The following URB1 variants were observed in gnomAD, a reference collection of about 807,000 sequenced individuals.
URB1 encodes nucleolar pre-ribosomal-associated protein 1.
In URB1, 197 loss-of-function variants were observed where a neutral mutation model predicts 242.3. That is an observed-to-expected ratio of 0.81 (90% CI 0.72 to 0.91). The LOEUF is 0.91. Ranked by LOEUF, URB1 falls within the 40% of genes least tolerant of loss-of-function variation. The pLI, the probability that URB1 is intolerant of heterozygous loss-of-function variation, is 0.00. For missense variants in URB1, 2,721 were observed against 2,860.5 expected (o/e 0.95, Z 1.11); for synonymous variants, 1,153 against 1,201.8 (o/e 0.96, Z 0.84).
intron 18 of URB1, 93 bp downstream of exon 18, chr21:32,353,840 C>T (rs1211806490): frequency 7.8e-6 from 11 of 1,414,770 alleles, no homozygotes; most frequent in Non-Finnish European, 1.0e-5. Flanking sequence ...GGATTCTCAG[C>T]AATTGATCCC....
At chr21:32,391,680 T>C (rs961411851) in intron 1 of URB1, among the ~76,000 whole-genome samples, 1 of 152,136 alleles carries the variant, frequency 6.6e-6, no homozygotes, top group Non-Finnish European at 1.5e-5. Flanking sequence ...AAGTATCATC[T>C]TCCTAGCTGT....
At position 32,353,925 on chromosome 21, in the gene URB1, A is replaced by G. The variant is rs1463204956; in HGVS notation, c.2416+8T>C. The G allele has an allele frequency of 3.0e-5, 47 of 1,551,436 alleles. No homozygotes were observed. The highest frequency in any genetic ancestry group is 3.9e-5 in the Non-Finnish European group (45 of 1,146,916). ...TGCAGCCAAGACATCCTGACTATACATAGGTACCTGCTTCATTGCCTGTCC... is the reference window on the plus strand; with the variant it reads ...TGCAGCCAAGACATCCTGACTATACGTAGGTACCTGCTTCATTGCCTGTCC... On this transcript the variant is annotated splice_region_variant and intron_variant, in intron 18 of 38. Coordinates refer to ENST00000382751, the MANE Select transcript of URB1 (RefSeq NM_014825.3).
chr21:32,355,596 C>T lies in URB1; in HGVS notation c.1990-31G>A, dbSNP rs866354766. 26 of 1,510,092 alleles carry T rather than the reference C, an allele frequency of 1.7e-5. No homozygotes were observed. The Middle Eastern group carries it at 2.0e-3, about 118-fold the overall frequency. The allele number at this position is 1,510,092 out of a possible 1,614,324, so 93.5% of individuals were successfully genotyped here. ...AGGAAGTAGGCACCGGTGAAAAAGT[C>T]AGAACAGAACGCGCTTTCTTTCTTT... On this transcript the variant is annotated intron_variant, in intron 15 of 38. Transcript: ENST00000382751.
chr21:32,345,349 C>T (rs1336517137), intron 23 of URB1, 25 bp downstream of exon 23: 1 of 1,546,668 alleles, frequency 6.5e-7, no homozygotes, highest in South Asian at 1.2e-5. Context: ...GTGGAACATC[C>T]TGCAACCAAC....
chr21:32,372,796 C>T (rs2033420727), intron 7 of URB1, among the ~76,000 whole-genome samples, 165 bp from the exon 8 acceptor site: 1 of 152,168 alleles, frequency 6.6e-6, no homozygotes, highest in South Asian at 2.1e-4. Context: ...CAAAAAGATA[C>T]ACCGATCAAG....
chr21:32,338,904 G>A lies in URB1; in HGVS notation c.4317-4C>T. 2 of 1,528,804 alleles carry A rather than the reference G, an allele frequency of 1.3e-6. No homozygotes were observed. The highest frequency in any genetic ancestry group is 2.5e-5 in the East Asian group (1 of 40,328). The allele number at this position is 1,528,804 out of a possible 1,614,324, so 94.7% of individuals were successfully genotyped here. A position where few individuals can be genotyped will look rare whatever the true frequency, so the allele number is the denominator to read the frequency against. ...TGTGTGGTCCTGGTACCGAAATCTA[G>A]GCGGCGAGAGTCAAAGGGAAAAGAG... On this transcript the variant is annotated splice_polypyrimidine_tract_variant and splice_region_variant and intron_variant, in intron 25 of 38. Coordinates refer to ENST00000382751, the MANE Select transcript of URB1 (RefSeq NM_014825.3).
rs546364393 is a variant in URB1 at position 32,317,809 on chromosome 21, G to A, written c.5901C>T (p.Thr1967=). The A allele has an allele frequency of 2.2e-5, 34 of 1,551,936 alleles. No homozygotes were observed. The Admixed American group carries it at 3.9e-4, about 18-fold the overall frequency. The part of the protein sequence containing the change: ...IQAFRDMNRF[T]VNETVLSTKD... ...TGGTGGAAAGCACTGTCTCATTTAC[G>A]GTGAATCTGTTCATGTCCCTAAAGG... The change falls in exon 37 of 39, where the codon ACC becomes ACT. Residue 1967 remains threonine (T), a synonymous_variant. Transcript: ENST00000382751.
At chr21:32,342,555 C>A (rs1250374512) in intron 24 of URB1, among the ~76,000 whole-genome samples, 2 of 151,996 alleles carry the variant, frequency 1.3e-5, no homozygotes, top group Non-Finnish European at 2.9e-5. Context: ...AGGCGCAATC[C>A]CACTACTGAT....
In URB1 at chr21:32,321,914, C is replaced by T. The variant is rs3761342; in HGVS notation, c.5371G>A (p.Val1791Ile). ...TTGTCACGGATCCCCTGCCGCAGAA[C>T]GCCAAACACCCACTTCTGCTCTGTT... is the stretch of plus-strand genomic sequence containing the variant. Reference protein sequence around the residue: ...QKTEQKWVFGVLRQGIRDKQC... With the variant: ...QKTEQKWVFGILRQGIRDKQC... The change falls in exon 34 of 39, where the codon GTT becomes ATT. Residue 1791 changes from valine to isoleucine, a missense_variant. Coordinates refer to ENST00000382751, the MANE Select transcript of URB1 (RefSeq NM_014825.3). The T allele has an allele frequency of 1.9e-6, 3 of 1,551,526 alleles. No homozygotes were observed. The highest frequency in any genetic ancestry group is 8.7e-7 in the Non-Finnish European group (1 of 1,147,014).
intron 4 of URB1, among the ~76,000 whole-genome samples, chr21:32,381,442 T>A (rs1228248386): frequency 7.6e-5 from 9 of 117,734 alleles, no homozygotes; most frequent in South Asian, 2.6e-4. Context: ...AAAAAAAAAA[T>A]CCCTGCCAGC....
intron 31 of URB1, 85 bp from the exon 32 acceptor site, chr21:32,324,687 C>T: frequency 9.7e-7 from 1 of 1,035,226 alleles, no homozygotes; most frequent in Non-Finnish European, 1.5e-6. Flanking sequence ...CGAACCAGGG[C>T]TCGGCAGGGT....
chr21:32,363,080 C>A, intron 11 of URB1, 76 bp downstream of exon 11: 1 of 1,480,932 alleles, frequency 6.8e-7, no homozygotes, highest in Admixed American at 2.3e-5. Context: ...ACTTGGCTTC[C>A]ACCCTAGGGC....
intron 10 of URB1, among the ~76,000 whole-genome samples, chr21:32,363,824 T>G (rs2033315908): frequency 6.6e-6 from 1 of 151,986 alleles, no homozygotes; most frequent in African/African-American, 2.4e-5. Context: ...GCTTCTGGCT[T>G]TCTTTTTTTT....
rs1321803697 is a variant in URB1 at position 32,321,830 on chromosome 21, GGAA to G, written c.5452_5454del (p.Phe1818del). On this transcript the variant is annotated inframe_deletion, in exon 34 of 39. Coordinates refer to ENST00000382751, the MANE Select transcript of URB1 (RefSeq NM_014825.3). ...GCTGCCTCGTCACACAGCGGGCTGT[GGAA>G]GAAGGACAGGATGATGTGGAAGATG... 1.2e-5 allele frequency: 18 copies of G among 1,551,602 alleles called. No individual in the cohort carries two copies. Among genetic ancestry groups the G allele is most frequent in the Admixed American group, 5.9e-5 (3 of 50,976 alleles).
intron 5 of URB1, 82 bp downstream of exon 5, chr21:32,378,363 T>G: frequency 7.5e-7 from 1 of 1,332,194 alleles, no homozygotes; most frequent in Middle Eastern, 1.8e-4. Context: ...GCTGCAGACT[T>G]TTTTTGAACT....
At position 32,345,413 on chromosome 21, in the gene URB1, C is replaced by A; in HGVS notation, c.4031G>T (p.Arg1344Leu). ...RAKDLSVLMD[R>L]LPSLLHTPSS... ...TGGGGTGTGAAGCAAGCTGGGCAGG[C>A]GGTCCATGAGTACACTGAGATCCTT... The change falls in exon 23 of 39, where the codon CGC becomes CTC. Residue 1344 changes from arginine to leucine, a missense_variant. Arg to Leu is a moderately radical substitution (Grantham distance 102). Transcript: ENST00000382751. The A allele has an allele frequency of 6.4e-7, 1 of 1,551,446 alleles. No individual in the cohort carries two copies. Among genetic ancestry groups the A allele is most frequent in the Non-Finnish European group, 8.7e-7 (1 of 1,146,938 alleles).
chr21:32,365,811 C>G (rs1057180761), intron 10 of URB1, among the ~76,000 whole-genome samples: 1 of 152,228 alleles, frequency 6.6e-6, no homozygotes, highest in Non-Finnish European at 1.5e-5. Flanking sequence ...ACAGGGCCAA[C>G]TGAGGCCTGT....
chr21:32,382,363 G>A (rs1255720433), intron 4 of URB1, among the ~76,000 whole-genome samples: 1 of 152,154 alleles, frequency 6.6e-6, no homozygotes, highest in Non-Finnish European at 1.5e-5. Context: ...CATGGATAAA[G>A]CATAGTATCT....
chr21:32,341,580 A>G (rs2123571648), intron 24 of URB1, 56 bp from the exon 25 acceptor site: 1 of 1,492,202 alleles, frequency 6.7e-7, no homozygotes, highest in Non-Finnish European at 9.1e-7. Flanking sequence ...ACAAAATACT[A>G]AAAGGCCCCA....
Sources: allele counts gnomAD v4.1 joint callset (sites outside exome capture counted in the v4.1 genomes callset), GRCh38; gene constraint gnomAD v4.1.1; transcripts MANE v1.5; gene names NCBI Gene and HGNC (gene_info 2026-07-23, HGNC 2026-07-21).